Variants in SEMA4D observed in about 807,000 individuals in gnomAD.
SEMA4D encodes semaphorin 4D, also known as semaphorin-4D.
In SEMA4D, 22 loss-of-function variants were observed where a neutral mutation model predicts 74.8. The ratio of observed to expected loss-of-function variants is 0.29; its 90% CI spans 0.21 to 0.42. SEMA4D has a LOEUF of 0.42. Among genes scored for constraint, SEMA4D ranks in the 10% least tolerant of loss-of-function variants. SEMA4D has a pLI of 1.00. For synonymous variants in SEMA4D, 445 were observed against 463.7 expected, an observed-to-expected ratio of 0.96 and a Z score of 0.52; for missense variants, 937 against 1,118.4, an observed-to-expected ratio of 0.84 and a Z score of 2.31.
chr9:89,462,400 A>T (rs530359250), intron 1 of SEMA4D, among the ~76,000 whole-genome samples: 54 of 152,328 alleles, frequency 3.5e-4, no homozygotes, highest in African/African-American at 1.3e-3. Context: ...GCTCCAAGGG[A>T]AGTGGCCACC....
chr9:89,454,927 G>C (rs559416012), intron 2 of SEMA4D, among the ~76,000 whole-genome samples: 2 of 152,236 alleles, frequency 1.3e-5, no homozygotes, highest in Non-Finnish European at 2.9e-5. Context: ...AAGCTGCCCC[G>C]GGTGGCTCTG....
At chr9:89,410,574 A>C (rs1844301800) in intron 2 of SEMA4D, among the ~76,000 whole-genome samples, 3 of 152,270 alleles carry the variant, frequency 2.0e-5, no homozygotes, top group Non-Finnish European at 4.4e-5. Flanking sequence ...AGCAGAGATG[A>C]AAAAAAGGGG....
intron 2 of SEMA4D, among the ~76,000 whole-genome samples, chr9:89,435,899 A>C (rs1409660998): frequency 6.6e-6 from 1 of 152,268 alleles, no homozygotes; most frequent in African/African-American, 2.4e-5. Context: ...CCCAGTGTCC[A>C]TATCTGCTGT....
intron 2 of SEMA4D, among the ~76,000 whole-genome samples, chr9:89,444,782 A>G (rs1852443514): frequency 6.6e-6 from 1 of 152,192 alleles, no homozygotes; most frequent in South Asian, 2.1e-4. Flanking sequence ...GAAAAGAGAC[A>G]TATTCGACCA....
intron 1 of SEMA4D, among the ~76,000 whole-genome samples, chr9:89,474,222 C>A (rs1468810740): frequency 6.6e-6 from 1 of 152,208 alleles, no homozygotes; most frequent in Non-Finnish European, 1.5e-5. Context: ...ACACCTGGCA[C>A]CAATAAACCC....
chr9:89,418,946 T>C (rs1846298582), intron 2 of SEMA4D: 2 of 140,812 alleles, frequency 1.4e-5, no homozygotes, highest in Non-Finnish European at 1.6e-5. Flanking sequence ...TGAAGCCAGC[T>C]GGGAAGGAGG....
At chr9:89,374,790 T>C (rs1181586341), downstream of SEMA4D, among the ~76,000 whole-genome samples, 3 of 152,202 alleles carry the variant, frequency 2.0e-5, no homozygotes, top group Non-Finnish European at 4.4e-5. Context: ...TGGTGGCTCA[T>C]GCCTGTAATC....
At chr9:89,363,568 C>T (rs1327008451) in intron 17 of SEMA4D, 4 of 1,611,528 alleles carry the variant, frequency 2.5e-6, no homozygotes, top group Non-Finnish European at 3.4e-6. Flanking sequence ...GCTCTGTGGG[C>T]CTTTATGGCA....
At chr9:89,491,601 A>C (rs1588204647) in intron 1 of SEMA4D, among the ~76,000 whole-genome samples, 1 of 142,950 alleles carries the variant, frequency 7.0e-6, no homozygotes, top group African/African-American at 2.6e-5. Context: ...ACAACAACAA[A>C]CAGATGGCTG....
At chr9:89,446,848 C>G (rs10121439) in intron 2 of SEMA4D, among the ~76,000 whole-genome samples, 1 of 152,078 alleles carries the variant, frequency 6.6e-6, no homozygotes, top group African/African-American at 2.4e-5. Flanking sequence ...AGGCCTCAGG[C>G]GGGCTCCCTG....
intron 1 of SEMA4D, among the ~76,000 whole-genome samples, chr9:89,471,422 T>C (rs1405505723): frequency 6.6e-6 from 1 of 152,202 alleles, no homozygotes; most frequent in Non-Finnish European, 1.5e-5. Flanking sequence ...ATTTAGAAAA[T>C]TGTATTTGTA....
chr9:89,424,395 G>A (rs368485206), intron 2 of SEMA4D, among the ~76,000 whole-genome samples: 170 of 152,274 alleles, frequency 1.1e-3, no homozygotes, highest in African/African-American at 3.7e-3. Context: ...ATTAAACCAT[G>A]ATGGTTTACT....
intron 1 of SEMA4D, among the ~76,000 whole-genome samples, chr9:89,465,758 G>A (rs2135818885): frequency 6.6e-6 from 1 of 152,348 alleles, no homozygotes; most frequent in Non-Finnish European, 1.5e-5. Context: ...TAGGGACAAG[G>A]ATTATTTGCA....
At chr9:89,453,996 T>C (rs1487102372) in intron 2 of SEMA4D, among the ~76,000 whole-genome samples, 1 of 152,046 alleles carries the variant, frequency 6.6e-6, no homozygotes, top group Non-Finnish European at 1.5e-5. Flanking sequence ...TAGCTGGGAC[T>C]ACAGGCGCCC....
At chr9:89,406,039 G>A (rs1843251581) in intron 2 of SEMA4D, 1 of 651,384 alleles carries the variant, frequency 1.5e-6, no homozygotes, top group African/African-American at 1.9e-5. Flanking sequence ...GTGTCCAGCT[G>A]GTAATGAGAT....
chr9:89,490,765 A>G (rs190774493), intron 1 of SEMA4D, among the ~76,000 whole-genome samples: 19 of 152,334 alleles, frequency 1.2e-4, no homozygotes, highest in Admixed American at 1.1e-3. Flanking sequence ...CTTTGAAAGT[A>G]TTGAAGAAAT....
chr9:89,387,348 G>A (rs1838757702), intron 12 of SEMA4D, 38 bp downstream of exon 12: 1 of 1,516,892 alleles, frequency 6.6e-7, no homozygotes, highest in East Asian at 2.3e-5. Flanking sequence ...ACACAGATGT[G>A]CTGTCACTGT....
intron 2 of SEMA4D, among the ~76,000 whole-genome samples, chr9:89,420,459 G>T (rs770133826): frequency 1.1e-4 from 17 of 152,352 alleles, no homozygotes; most frequent in Admixed American, 3.9e-4. Flanking sequence ...TTAGGAGAGA[G>T]AAGCATTTCC....
At chr9:89,457,681 C>A (rs1588039939) in intron 1 of SEMA4D, among the ~76,000 whole-genome samples, 1 of 151,608 alleles carries the variant, frequency 6.6e-6, no homozygotes, top group East Asian at 1.9e-4. Flanking sequence ...TGAGCTATGA[C>A]TGTGCCACTG....
Sources: gnomAD v4.1 joint callset for allele counts (sites outside exome capture counted in the v4.1 genomes callset) on GRCh38, gnomAD v4.1.1 for gene constraint, MANE v1.5 for transcripts, NCBI Gene and HGNC (gene_info 2026-07-23, HGNC 2026-07-21) for gene names.